The following KIAA1671 variants were observed in gnomAD, a reference collection of about 807,000 sequenced individuals.
KIAA1671 encodes the protein uncharacterized protein KIAA1671.
Under a neutral mutation model 131.2 loss-of-function variants are expected in KIAA1671, and 52 were observed. That is an observed-to-expected ratio of 0.40 (90% CI 0.32 to 0.50). KIAA1671 has a LOEUF of 0.50. Among genes scored for constraint, KIAA1671 ranks in the 20% least tolerant of loss-of-function variants. The pLI is 0.73. For synonymous variants in KIAA1671, 1,003 were observed against 961.6 expected, an observed-to-expected ratio of 1.04 and a Z score of -0.80; for missense variants, 2,360 against 2,364.2, an observed-to-expected ratio of 1.00 and a Z score of 0.04.
At chr22:25,051,851 C>T (rs931441929) in intron 6 of KIAA1671, 1 of 152,270 alleles carries the variant, frequency 6.6e-6, no homozygotes, top group East Asian at 1.9e-4. Flanking sequence ...TGATGAATGA[C>T]TTTGTGCTGT....
At chr22:25,096,388 C>T (rs889739651) in intron 6 of KIAA1671, among the ~76,000 whole-genome samples, 1 of 152,162 alleles carries the variant, frequency 6.6e-6, no homozygotes, top group African/African-American at 2.4e-5. Context: ...AGCCTGGTCT[C>T]ACTCGTCCTC....
intron 6 of KIAA1671, among the ~76,000 whole-genome samples, chr22:25,130,146 A>G (rs1265057065): frequency 1.3e-5 from 2 of 152,254 alleles, no homozygotes; most frequent in Non-Finnish European, 2.9e-5. Flanking sequence ...TTATAAGAAT[A>G]TTATAAATAA....
chr22:25,008,279 A>T (rs1321509588), intron 1 of KIAA1671, among the ~76,000 whole-genome samples: 2 of 151,738 alleles, frequency 1.3e-5, no homozygotes, highest in Non-Finnish European at 2.9e-5. Flanking sequence ...GGGCAAAGCC[A>T]AGAACCCTCC....
chr22:24,953,829 G>T (rs1921549981), intron 1 of KIAA1671, among the ~76,000 whole-genome samples: 1 of 152,168 alleles, frequency 6.6e-6, no homozygotes, highest in African/African-American at 2.4e-5. Flanking sequence ...CTCTAGCCAG[G>T]AGCAGCCATT....
chr22:25,149,348 A>T (rs1474815352), intron 6 of KIAA1671, among the ~76,000 whole-genome samples: 1 of 152,152 alleles, frequency 6.6e-6, no homozygotes, highest in Non-Finnish European at 1.5e-5. Flanking sequence ...CTGGCCCCTC[A>T]GGGGACTGAG....
At chr22:24,966,548 A>C (rs1922317623) in intron 1 of KIAA1671, among the ~76,000 whole-genome samples, 1 of 152,196 alleles carries the variant, frequency 6.6e-6, no homozygotes. Flanking sequence ...AGGCCCCAGC[A>C]CTGGAAAGTG....
chr22:24,998,716 T>TC (rs1555951631), intron 1 of KIAA1671, among the ~76,000 whole-genome samples: 3 of 88,140 alleles, frequency 3.4e-5, no homozygotes, highest in African/African-American at 1.3e-4. Context: ...AGACTCTGTC[T>TC]CAAAAAAAAA....
chr22:25,104,854 C>T lies in KIAA1671; in HGVS notation c.4530+55490C>T, dbSNP rs1930907019. Among the ~76,000 whole-genome samples, 3 of 152,006 alleles carry T rather than the reference C, an allele frequency of 2.0e-5. No individual in the cohort carries two copies. The South Asian group carries it at 6.2e-4, about 32-fold the overall frequency. ...GGGATAGCCTCAGATTTGAGTTGGC[C>T]TTCCACCCTTAATGGCTAAGAATCA... On this transcript the variant is annotated intron_variant, in intron 6 of 12. Transcript: ENST00000358431.
intron 1 of KIAA1671, among the ~76,000 whole-genome samples, chr22:24,998,991 A>C (rs1385603051): frequency 6.6e-6 from 1 of 152,128 alleles, no homozygotes; most frequent in Non-Finnish European, 1.5e-5. Context: ...TAAATTTTTC[A>C]TGGACCCAAG....
intron 6 of KIAA1671, among the ~76,000 whole-genome samples, chr22:25,116,628 G>T (rs984057370): frequency 1.3e-5 from 2 of 149,384 alleles, no homozygotes; most frequent in Non-Finnish European, 3.0e-5. Flanking sequence ...CACCATGTTG[G>T]CCAGGCTGGT....
At chr22:25,010,831 G>A (rs934220064) in intron 1 of KIAA1671, 3 of 152,150 alleles carry the variant, frequency 2.0e-5, no homozygotes, top group Non-Finnish European at 4.4e-5. Context: ...CAGAGTTAGG[G>A]CAGTGGCTTA....
At position 25,058,665 on chromosome 22, in the gene KIAA1671, G is replaced by T. The variant is rs376765623; in HGVS notation, c.4530+9301G>T. 10 of 152,278 alleles carry T rather than the reference G, an allele frequency of 6.6e-5. No individual in the cohort carries two copies. In the East Asian group the frequency reaches 1.5e-3, roughly 24 times the overall value. The allele number at this position is 152,278 out of a possible 1,614,324, so 9.4% of individuals were successfully genotyped here. A position where few individuals can be genotyped will look rare whatever the true frequency, so the allele number is the denominator to read the frequency against. The stretch of plus-strand genomic sequence containing the variant: ...GAGGAGAAGTAATTTCCATGGTCCG[G>T]TGATCTGTTGTTATAATGAACCATC... On this transcript the variant is annotated intron_variant, in intron 6 of 12. Transcript: ENST00000358431.
At position 24,957,867 on chromosome 22, in the gene KIAA1671, A is replaced by G. The variant is rs184150509; in HGVS notation, c.-208+5095A>G. Among the ~76,000 whole-genome samples, 1,175 of 150,260 alleles carry G rather than the reference A, an allele frequency of 7.8e-3. 18 individuals carry two copies. The highest frequency in any genetic ancestry group is 0.028 in the African/African-American group (1,131 of 40,850). ...TAATTTTGTTATTTTTATTAGAGAC[A>G]GGGTTTCTCCATGTTGGTCAGGCTG... On this transcript the variant is annotated intron_variant, in intron 1 of 12. Transcript: ENST00000358431.
intron 1 of KIAA1671, among the ~76,000 whole-genome samples, chr22:24,955,179 A>G (rs1921628555): frequency 6.6e-6 from 1 of 152,192 alleles, no homozygotes; most frequent in African/African-American, 2.4e-5. Flanking sequence ...TCTCTGACCA[A>G]CTCAGAAACA....
intron 1 of KIAA1671, among the ~76,000 whole-genome samples, chr22:25,016,043 C>A (rs532097199): frequency 1.3e-5 from 2 of 148,962 alleles, no homozygotes; most frequent in Non-Finnish European, 3.0e-5. Context: ...TTTTCCCAGA[C>A]GGAGTCTCGC....
At chr22:25,187,270 C>G (rs1352016107) in intron 11 of KIAA1671, among the ~76,000 whole-genome samples, 2 of 152,138 alleles carry the variant, frequency 1.3e-5, no homozygotes, top group African/African-American at 4.8e-5. Context: ...GTAGAAAATA[C>G]AAAAAGAATA....
chr22:24,992,147 G>A (rs1182486988), intron 1 of KIAA1671, among the ~76,000 whole-genome samples: 1 of 152,204 alleles, frequency 6.6e-6, no homozygotes, highest in South Asian at 2.1e-4. Context: ...CTGGGGCTTA[G>A]GGATTTTCCT....
Position 25,040,867 on chromosome 22 carries a change from G to A in KIAA1671, c.3737G>A (p.Arg1246Lys), listed in dbSNP as rs1401854998. 2 of 1,544,154 alleles carry A rather than the reference G, an allele frequency of 1.3e-6. No homozygotes were observed. The highest frequency in any genetic ancestry group is 4.9e-5 in the East Asian group (2 of 40,786). ...GTTCAGCTGGGCGGGGTGGAGCAGAGAAGGAGGAGCCTGAAGGAGATGCCC... is the reference window on the plus strand; with the variant it reads ...GTTCAGCTGGGCGGGGTGGAGCAGAAAAGGAGGAGCCTGAAGGAGATGCCC... The part of the protein sequence containing the change: ...RPVQLGGVEQ[R>K]RRSLKEMPDT... Residue 1246 changes from arginine (R) to lysine (K), a missense_variant, in exon 5 of 13, where the codon AGA (arginine) becomes AAA (lysine). Arg to Lys is a conservative substitution (Grantham distance 26). Coordinates refer to ENST00000358431, the MANE Select transcript of KIAA1671 (RefSeq NM_001145206.2).
At chr22:25,097,864 T>G (rs1930464897) in intron 6 of KIAA1671, among the ~76,000 whole-genome samples, 1 of 152,166 alleles carries the variant, frequency 6.6e-6, no homozygotes, top group Non-Finnish European at 1.5e-5. Flanking sequence ...GTTTTCCAAG[T>G]CCTGGATGCA....
Sources: gnomAD v4.1 joint callset for allele counts (sites outside exome capture counted in the v4.1 genomes callset) on GRCh38, gnomAD v4.1.1 for gene constraint, MANE v1.5 for transcripts, NCBI Gene and HGNC (gene_info 2026-07-23, HGNC 2026-07-21) for gene names.